Variants in WWOX observed in about 807,000 individuals in gnomAD.
WWOX encodes the protein WW domain-containing oxidoreductase.
Under a neutral mutation model 46.2 loss-of-function variants are expected in WWOX, and 69 were observed. That is an observed-to-expected ratio of 1.49 (90% CI 1.23 to 1.82). The LOEUF is 1.82. Among genes scored for constraint, WWOX ranks in the 40% most tolerant of loss-of-function variants. WWOX has a pLI of 0.00. For missense variants in WWOX, 919 were observed against 542.6 expected (o/e 1.69, Z -6.89); for synonymous variants, 359 against 202.6 (o/e 1.77, Z -6.56).
chr16:78,570,007 C>T (rs946606349), intron 8 of WWOX, among the ~76,000 whole-genome samples: 1 of 152,006 alleles, frequency 6.6e-6, no homozygotes, highest in Non-Finnish European at 1.5e-5. Flanking sequence ...GGATGGTTAT[C>T]GGAAAGATTA....
rs541839363 is a variant in WWOX, at chr16:78,688,171, A to C, written c.1056+255419A>C. Among the ~76,000 whole-genome samples the C allele has an allele frequency of 2.6e-5, 4 of 152,222 alleles. No homozygotes were observed. In the South Asian group the frequency reaches 8.3e-4, roughly 32 times the overall value. ...TTCAAATATAAGCTAGAAAAAAAAA[A>C]TGTGAGGCCTTATTGTGTAGATAAA... On this transcript the variant is annotated intron_variant, in intron 8 of 8. Transcript: ENST00000566780.
At chr16:78,608,432 G>A (rs76275504) in intron 8 of WWOX, among the ~76,000 whole-genome samples, 1 of 152,120 alleles carries the variant, frequency 6.6e-6, no homozygotes, top group Non-Finnish European at 1.5e-5. Context: ...CTGTGCTCTT[G>A]CCCCAGGCAG....
At chr16:78,586,954 G>T (rs2045222831) in intron 8 of WWOX, among the ~76,000 whole-genome samples, 1 of 152,090 alleles carries the variant, frequency 6.6e-6, no homozygotes, top group South Asian at 2.1e-4. Context: ...GATATGCCAA[G>T]ATTCTATAGC....
In WWOX at chr16:78,754,806, A is replaced by G. The variant is rs1426839951; in HGVS notation, c.1056+322054A>G. Among the ~76,000 whole-genome samples the G allele has an allele frequency of 3.9e-5, 6 of 152,166 alleles. No homozygotes were observed. In the East Asian group the frequency reaches 9.6e-4, roughly 24 times the overall value. ...GAGATGACCTCTAAGGCCTCTACTT[A>G]TAGATCTGCACGGTTGGGCCTGGGA... is the stretch of plus-strand genomic sequence containing the variant. On this transcript the variant is annotated intron_variant, in intron 8 of 8. Transcript: ENST00000566780.
intron 8 of WWOX, among the ~76,000 whole-genome samples, chr16:78,496,988 A>C (rs2667589): frequency 0.74 from 112,872 of 152,148 alleles, 44,281 homozygotes; most frequent in Admixed American, 0.86. Flanking sequence ...TAACTATGGC[A>C]AAGATGTTAG....
At chr16:78,483,660 C>T (rs1199940461) in intron 8 of WWOX, among the ~76,000 whole-genome samples, 3 of 152,106 alleles carry the variant, frequency 2.0e-5, no homozygotes, top group African/African-American at 7.2e-5. Context: ...TCATCTGTTT[C>T]ACTTAGCTGC....
At chr16:78,244,738 T>C (rs2151822889) in intron 5 of WWOX, among the ~76,000 whole-genome samples, 1 of 152,286 alleles carries the variant, frequency 6.6e-6, no homozygotes. Context: ...CAGTTACTAA[T>C]TCCTGTGGAA....
intron 8 of WWOX, among the ~76,000 whole-genome samples, chr16:78,564,597 C>T (rs894529559): frequency 6.6e-6 from 1 of 152,260 alleles, no homozygotes; most frequent in South Asian, 2.1e-4. Context: ...GATCATTTCT[C>T]CTAAGCAATC....
At chr16:78,104,231 AACACACACACACACACACAC>A (rs376622174) in intron 1 of WWOX, among the ~76,000 whole-genome samples, 3 of 130,124 alleles carry the variant, frequency 2.3e-5, no homozygotes, top group Non-Finnish European at 3.2e-5. Context: ...CTGTGCTCAA[AACACACACACACACACACAC>A]ACACACACAC....
At chr16:78,852,379 T>C (rs1442870008) in intron 8 of WWOX, among the ~76,000 whole-genome samples, 2 of 152,214 alleles carry the variant, frequency 1.3e-5, no homozygotes, top group South Asian at 2.1e-4. Context: ...GGATCACTCC[T>C]TGTGGCAGAA....
chr16:78,959,864 G>A (rs2046240182), intron 8 of WWOX, among the ~76,000 whole-genome samples: 1 of 152,180 alleles, frequency 6.6e-6, no homozygotes, highest in African/African-American at 2.4e-5. Context: ...GTTTTCTTCT[G>A]GAGAGTCTGA....
At chr16:78,281,024 C>A (rs1475572830) in intron 5 of WWOX, 2 of 152,198 alleles carry the variant, frequency 1.3e-5, no homozygotes, top group Non-Finnish European at 2.9e-5. Context: ...AATGGAAATA[C>A]CACTACTAAA....
intron 8 of WWOX, among the ~76,000 whole-genome samples, chr16:78,848,559 G>A (rs896560674): frequency 3.3e-5 from 5 of 152,162 alleles, no homozygotes; most frequent in African/African-American, 9.7e-5. Context: ...TTGCCTAAGG[G>A]TACGGGGAAC....
At chr16:78,771,490 C>T (rs1023113611) in intron 8 of WWOX, among the ~76,000 whole-genome samples, 5 of 152,060 alleles carry the variant, frequency 3.3e-5, no homozygotes, top group African/African-American at 9.7e-5. Context: ...GCTTAAAATG[C>T]GCTGGGTGCG....
At chr16:78,956,956 C>A (rs2046179635) in intron 8 of WWOX, among the ~76,000 whole-genome samples, 1 of 152,180 alleles carries the variant, frequency 6.6e-6, no homozygotes, top group Admixed American at 6.5e-5. Flanking sequence ...TGCAGTCCCT[C>A]CCAGTACGTG....
intron 8 of WWOX, among the ~76,000 whole-genome samples, chr16:78,823,806 T>A (rs991871858): frequency 6.6e-6 from 1 of 151,756 alleles, no homozygotes; most frequent in Non-Finnish European, 1.5e-5. Flanking sequence ...AGACAGAATC[T>A]TGTTCTGTCT....
intron 8 of WWOX, among the ~76,000 whole-genome samples, chr16:78,482,362 C>T (rs185567837): frequency 6.6e-6 from 1 of 152,254 alleles, no homozygotes; most frequent in African/African-American, 2.4e-5. Context: ...GTCAGGACTA[C>T]AGGCATGCAC....
At position 78,347,473 on chromosome 16, in the gene WWOX, T is replaced by C. The variant is rs1476387444; in HGVS notation, c.517-39387T>C. 6.0e-5 allele frequency among the ~76,000 whole-genome samples: 7 copies of C among 117,610 alleles called. 2 individuals are homozygous for C. The highest frequency in any genetic ancestry group is 1.4e-4 in the Non-Finnish European group (7 of 49,634). The allele number at this position is 117,610 out of a possible 152,430, so 77.2% of individuals were successfully genotyped here. On this transcript the variant is annotated intron_variant, in intron 5 of 8. Coordinates refer to ENST00000566780, the MANE Select transcript of WWOX (RefSeq NM_016373.4). ...TAAAGTCACGCTGTTACCCCCACAATGTCCCCCCACATATCATTGCTATCC... is the reference window on the plus strand; with the variant it reads ...TAAAGTCACGCTGTTACCCCCACAACGTCCCCCCACATATCATTGCTATCC...
intron 8 of WWOX, among the ~76,000 whole-genome samples, chr16:78,514,439 T>G (rs2085439612): frequency 6.6e-6 from 1 of 152,196 alleles, no homozygotes; most frequent in Non-Finnish European, 1.5e-5. Context: ...ATAGATACAT[T>G]TTCCATGTGT....
Sources: allele counts gnomAD v4.1 joint callset (sites outside exome capture counted in the v4.1 genomes callset), GRCh38; gene constraint gnomAD v4.1.1; transcripts MANE v1.5; gene names NCBI Gene and HGNC (gene_info 2026-07-23, HGNC 2026-07-21).